SLC26A5: variants seen among roughly 807,000 people sequenced by gnomAD.
SLC26A5 encodes prestin.
Under a neutral mutation model 81.0 loss-of-function variants are expected in SLC26A5, and 51 were observed. The observed-to-expected ratio is 0.63, with a 90% CI of 0.50 to 0.80. SLC26A5 has a LOEUF of 0.80. SLC26A5 is among the 30% of genes least tolerant of loss of function. The pLI is 0.00. For missense variants in SLC26A5, 771 were observed against 905.8 expected (o/e 0.85, Z 1.91); for synonymous variants, 325 against 332.8 (o/e 0.98, Z 0.25).
intron 8 of SLC26A5, among the ~76,000 whole-genome samples, chr7:103,407,272 T>C (rs963521491): frequency 6.6e-6 from 1 of 152,228 alleles, no homozygotes; most frequent in African/African-American, 2.4e-5. Context: ...ATCTAAGCAG[T>C]TCCCATCAGG....
chr7:103,380,601 T>G, intron 14 of SLC26A5, 52 bp from the exon 15 acceptor site: 1 of 1,510,378 alleles, frequency 6.6e-7, no homozygotes, highest in Non-Finnish European at 9.2e-7. Context: ...GCGTGTGATT[T>G]CAACAGGAGG....
intron 19 of SLC26A5, among the ~76,000 whole-genome samples, chr7:103,376,243 T>G (rs1821346269): frequency 6.6e-6 from 1 of 151,980 alleles, no homozygotes; most frequent in African/African-American, 2.4e-5. Context: ...GTCTGGCTAA[T>G]TTTTGTATTT....
intron 17 of SLC26A5, 38 bp downstream of exon 17, chr7:103,378,408 A>G (rs1173310070): frequency 6.3e-7 from 1 of 1,582,442 alleles, no homozygotes; most frequent in South Asian, 1.1e-5. Flanking sequence ...ATTGCAGAAC[A>G]AGACAGAACG....
At position 103,374,371 on chromosome 7, in the gene SLC26A5, T is replaced by TG; in HGVS notation, c.*27_*28insC. 1 of 1,611,810 alleles carries TG rather than the reference T, an allele frequency of 6.2e-7. No individual in the cohort carries two copies. On this transcript the variant is annotated 3_prime_UTR_variant, in exon 20 of 20. Coordinates refer to ENST00000306312, the MANE Select transcript of SLC26A5 (RefSeq NM_198999.3). ...AATTATGAACTTCATGAGAGGCTTA[T>TG]AACCCCATCCTAGGGTGAGGTCCTC...
chr7:103,423,505 T>G (rs984294434), intron 2 of SLC26A5, among the ~76,000 whole-genome samples: 1 of 152,182 alleles, frequency 6.6e-6, no homozygotes, highest in African/African-American at 2.4e-5. Flanking sequence ...ACAAGAGTAT[T>G]ACGAGGTGTG....
chr7:103,409,998 C>T (rs532159144), intron 7 of SLC26A5, among the ~76,000 whole-genome samples: 8 of 152,320 alleles, frequency 5.3e-5, no homozygotes, highest in African/African-American at 4.8e-5. Flanking sequence ...TAAGCCACCA[C>T]GCCCGGCCTT....
intron 4 of SLC26A5, among the ~76,000 whole-genome samples, chr7:103,416,566 C>T (rs1232788463): frequency 2.0e-5 from 3 of 152,154 alleles, no homozygotes; most frequent in Admixed American, 6.5e-5. Context: ...AGACTTTGAA[C>T]CAGTTCCCTT....
intron 7 of SLC26A5, among the ~76,000 whole-genome samples, chr7:103,409,515 A>C (rs1452611460): frequency 6.6e-6 from 1 of 152,150 alleles, no homozygotes; most frequent in African/African-American, 2.4e-5. Context: ...GTGTGAAAAA[A>C]CATTGAATTT....
chr7:103,393,873 A>G (rs1220600062), intron 9 of SLC26A5, among the ~76,000 whole-genome samples: 5 of 152,178 alleles, frequency 3.3e-5, no homozygotes, highest in Non-Finnish European at 7.3e-5. Flanking sequence ...AACAATAATA[A>G]CAATAACTTA....
Position 103,367,345 on chromosome 7 carries a change from T to C in SLC26A5, c.2041+9463A>G. ...TGATTTGAGCTGAGATTTTTGGTAC[T>C]TTCAGGTCATGCATAGTGCTACTCT... On this transcript the variant is annotated intron_variant, in intron 19 of 19. Transcript: ENST00000339444. The surrounding 1 kb of genome is among the most constrained non-coding windows in gnomAD (Gnocchi z 6.1). The C allele has an allele frequency of 6.7e-7, 1 of 1,502,632 alleles. No homozygotes were observed. The highest frequency in any genetic ancestry group is 9.2e-7 in the Non-Finnish European group (1 of 1,084,866). 93.1% of individuals were successfully genotyped at this position (1,502,632 alleles called of 1,614,324 possible).
intron 19 of SLC26A5, chr7:103,363,553 T>G (rs1820530623): frequency 1.3e-5 from 12 of 917,860 alleles, no homozygotes. Context: ...TAATGAGAGT[T>G]TTTTGAGAGG....
At chr7:103,385,931 C>CTTTTTT (rs201817253) in intron 14 of SLC26A5, among the ~76,000 whole-genome samples, 1 of 144,496 alleles carries the variant, frequency 6.9e-6, no homozygotes, top group African/African-American at 2.6e-5. Context: ...TTTTTTCTTT[C>CTTTTTT]TTTCTTTTTT....
intron 9 of SLC26A5, among the ~76,000 whole-genome samples, chr7:103,397,490 G>A (rs534731405): frequency 1.6e-4 from 22 of 136,134 alleles, no homozygotes; most frequent in South Asian, 4.8e-4. Context: ...GCAGTGAGCC[G>A]AGATCATGCC....
rs150887104 is a variant in SLC26A5 at position 103,393,017 on chromosome 7, C to T, written c.1021G>A (p.Val341Ile). The stretch of plus-strand genomic sequence containing the variant: ...ACGATGGCTATGGCAATGGCATCTA[C>T]GTACACAAGGTGGAAGAGGCTGGTG... The part of the protein sequence containing the change: ...PDTSLFHLVY[V>I]DAIAIAIVGF... Residue 341 changes from valine (V) to isoleucine (I), a missense_variant, in exon 10 of 20, where the codon GTA becomes ATA. Val to Ile is a conservative substitution (Grantham distance 29). Transcript: ENST00000306312. 9.9e-6 allele frequency: 16 copies of T among 1,613,824 alleles called. No homozygotes were observed. Among genetic ancestry groups the T allele is most frequent in the East Asian group, 4.5e-5 (2 of 44,902 alleles).
rs1025143801 is a variant in SLC26A5, at chr7:103,367,359, T to C, written c.2041+9449A>G. 4.5e-6 allele frequency: 7 copies of C among 1,564,414 alleles called. No individual in the cohort carries two copies. The African/African-American group carries it at 8.1e-5, about 18-fold the overall frequency. On this transcript the variant is annotated intron_variant, in intron 19 of 19. Coordinates refer to the SLC26A5 transcript ENST00000339444. This position sits in a 1 kb window ranked among gnomAD's most constrained non-coding sequence, Gnocchi z 6.1. ...ATTTTTGGTACTTTCAGGTCATGCA[T>C]AGTGCTACTCTTGAGTGGACTTGAA...
At chr7:103,428,262 G>C (rs1377996587) in intron 2 of SLC26A5, among the ~76,000 whole-genome samples, 1 of 152,138 alleles carries the variant, frequency 6.6e-6, no homozygotes. Flanking sequence ...CCTCATGAAA[G>C]GAGAAACGCA....
chr7:103,369,929 A>G (rs184601993), downstream of SLC26A5, among the ~76,000 whole-genome samples: 1 of 152,316 alleles, frequency 6.6e-6, no homozygotes, highest in Admixed American at 6.5e-5. Flanking sequence ...GTATAATGAA[A>G]AGCCTGGTAC....
intron 9 of SLC26A5, among the ~76,000 whole-genome samples, chr7:103,396,135 G>C (rs1823094681): frequency 6.6e-6 from 1 of 152,138 alleles, no homozygotes; most frequent in Non-Finnish European, 1.5e-5. Context: ...TAGGATTTAG[G>C]TTGTTTTGCT....
intron 14 of SLC26A5, among the ~76,000 whole-genome samples, chr7:103,384,729 A>G (rs891757380): frequency 6.6e-6 from 1 of 152,218 alleles, no homozygotes; most frequent in Non-Finnish European, 1.5e-5. Flanking sequence ...TCTAGGCTTC[A>G]GCTTCCACAT....
Sources: gnomAD v4.1 joint callset for allele counts (sites outside exome capture counted in the v4.1 genomes callset) on GRCh38, gnomAD v4.1.1 for gene constraint, Gnocchi (gnomAD v3.1) non-coding constraint, MANE v1.5 for transcripts, NCBI Gene and HGNC (gene_info 2026-07-23, HGNC 2026-07-21) for gene names.